Variants in FAM107B observed in about 807,000 individuals in gnomAD.
The protein encoded by FAM107B is protein FAM107B.
A neutral mutation model predicts 31.5 loss-of-function variants in FAM107B; 21 were observed. The observed-to-expected ratio is 0.67, with a 90% confidence interval of 0.47 to 0.96. The LOEUF (loss-of-function observed/expected upper bound fraction) is 0.96, where lower values mean the gene tolerates loss of function less well. Among genes scored for constraint, FAM107B ranks in the 40% least tolerant of loss-of-function variants. The pLI, the probability that FAM107B is intolerant of heterozygous loss-of-function variation, is 0.00. For missense variants in FAM107B, 452 were observed against 377.1 expected, an observed-to-expected ratio of 1.20 and a Z score of -1.64; for synonymous variants, 157 against 141.5, an observed-to-expected ratio of 1.11 and a Z score of -0.78.
At chr10:14,536,418 G>A (rs141087421) in intron 2 of FAM107B, among the ~76,000 whole-genome samples, 80 of 152,208 alleles carry the variant, frequency 5.3e-4, no homozygotes, top group African/African-American at 1.9e-3. Flanking sequence ...CAACCCTCTG[G>A]CAATACCCTG....
intron 1 of FAM107B, among the ~76,000 whole-genome samples, chr10:14,716,625 G>A (rs1855784653): frequency 6.6e-6 from 1 of 152,200 alleles, no homozygotes; most frequent in South Asian, 2.1e-4. Flanking sequence ...GGCCACCATG[G>A]TGCCAAGGAG....
chr10:14,583,958 A>C (rs1851741726), intron 2 of FAM107B, among the ~76,000 whole-genome samples: 1 of 152,216 alleles, frequency 6.6e-6, no homozygotes, highest in Admixed American at 6.5e-5. Flanking sequence ...GGCAAGTCTT[A>C]GGAAAGAGGG....
intron 1 of FAM107B, among the ~76,000 whole-genome samples, chr10:14,728,466 C>T (rs1229211517): frequency 6.6e-6 from 1 of 151,914 alleles, no homozygotes; most frequent in Non-Finnish European, 1.5e-5. Context: ...GAAGAACTAC[C>T]CCCAGGGTGT....
At chr10:14,770,713 C>A (rs974035749) in intron 1 of FAM107B, among the ~76,000 whole-genome samples, 2 of 152,058 alleles carry the variant, frequency 1.3e-5, no homozygotes, top group African/African-American at 2.4e-5. Context: ...GGTTTCAGGT[C>A]TGGAACAGAA....
chr10:14,561,949 T>C (rs963266964), intron 2 of FAM107B, among the ~76,000 whole-genome samples: 5 of 152,280 alleles, frequency 3.3e-5, no homozygotes, highest in African/African-American at 9.6e-5. Flanking sequence ...CACGCCCAGC[T>C]AATTTTTGGT....
intron 2 of FAM107B, among the ~76,000 whole-genome samples, chr10:14,578,686 G>A (rs1397822218): frequency 1.3e-5 from 2 of 152,162 alleles, no homozygotes; most frequent in Non-Finnish European, 2.9e-5. Context: ...TCGGTCACAA[G>A]AAAGAATTAT....
intron 2 of FAM107B, chr10:14,556,248 T>C (rs960330778): frequency 1.1e-5 from 7 of 631,414 alleles, no homozygotes; most frequent in African/African-American, 2.0e-5. Context: ...TCGTCCTTCC[T>C]GTCATCAGAA....
chr10:14,542,115 C>CA (rs200690902), intron 2 of FAM107B, among the ~76,000 whole-genome samples: 1,613 of 151,756 alleles, frequency 0.011, 29 homozygotes, highest in African/African-American at 0.037. Flanking sequence ...AATAATAATA[C>CA]AAAAATGAGC....
At chr10:14,629,447 T>A (rs371745653) in intron 2 of FAM107B, among the ~76,000 whole-genome samples, 28 of 7,648 alleles carry the variant, frequency 3.7e-3, no homozygotes, top group African/African-American at 0.012. Flanking sequence ...ATATATATAT[T>A]ATATATATAT....
chr10:14,543,748 AAATT>A (rs1474064644), intron 2 of FAM107B, among the ~76,000 whole-genome samples: 1 of 152,022 alleles, frequency 6.6e-6, no homozygotes, highest in East Asian at 1.9e-4. Context: ...CTGAAATAAT[AAATT>A]ATTTAGCTTC....
intron 3 of FAM107B, among the ~76,000 whole-genome samples, chr10:14,522,853 C>T (rs886929695): frequency 2.0e-5 from 3 of 152,212 alleles, no homozygotes; most frequent in East Asian, 1.9e-4. Flanking sequence ...GAGGTTATAC[C>T]GTTACTGAAG....
chr10:14,766,389 T>G (rs1350332226), intron 1 of FAM107B, among the ~76,000 whole-genome samples: 1 of 152,206 alleles, frequency 6.6e-6, no homozygotes, highest in Non-Finnish European at 1.5e-5. Flanking sequence ...TCTGACCTGT[T>G]GACCTGAGTT....
At chr10:14,616,340 C>A (rs1419187198) in intron 2 of FAM107B, among the ~76,000 whole-genome samples, 2 of 152,124 alleles carry the variant, frequency 1.3e-5, no homozygotes, top group East Asian at 3.8e-4. Flanking sequence ...AATGAAAAGA[C>A]AAGGGGCATT....
intron 2 of FAM107B, among the ~76,000 whole-genome samples, chr10:14,540,208 G>A (rs143619383): frequency 2.6e-5 from 4 of 152,236 alleles, no homozygotes; most frequent in African/African-American, 9.6e-5. Flanking sequence ...GAAGGACCTT[G>A]GCTAATGTTC....
chr10:14,579,603 C>T (rs1441207593), intron 2 of FAM107B, among the ~76,000 whole-genome samples: 1 of 152,194 alleles, frequency 6.6e-6, no homozygotes, highest in African/African-American at 2.4e-5. Context: ...CTGTTAGTTG[C>T]ATTACCCAAG....
At chr10:14,678,305 T>G (rs1184983956) in intron 1 of FAM107B, among the ~76,000 whole-genome samples, 1 of 152,216 alleles carries the variant, frequency 6.6e-6, no homozygotes, top group Non-Finnish European at 1.5e-5. Flanking sequence ...CCTTCCTTTC[T>G]TCCTCGGTGG....
At chr10:14,668,043 T>C (rs930866536) in intron 1 of FAM107B, among the ~76,000 whole-genome samples, 3 of 151,394 alleles carry the variant, frequency 2.0e-5, no homozygotes, top group Non-Finnish European at 4.4e-5. Flanking sequence ...TTTTTGTTTT[T>C]TGTTTTTTGG....
At chr10:14,538,622 G>T (rs147320006) in intron 2 of FAM107B, among the ~76,000 whole-genome samples, 93 of 152,292 alleles carry the variant, frequency 6.1e-4, no homozygotes, top group African/African-American at 2.1e-3. Flanking sequence ...GGATAATACA[G>T]ATTCTGGTGA....
intron 2 of FAM107B, among the ~76,000 whole-genome samples, chr10:14,568,143 G>A (rs879732808): frequency 2.6e-5 from 4 of 152,232 alleles, no homozygotes; most frequent in Non-Finnish European, 4.4e-5. Flanking sequence ...ATACGACTGA[G>A]ACAAGGCTCA....
Sources: allele counts gnomAD v4.1 joint callset (sites outside exome capture counted in the v4.1 genomes callset), GRCh38; gene constraint gnomAD v4.1.1; transcripts MANE v1.5; gene names NCBI Gene and HGNC (gene_info 2026-07-23, HGNC 2026-07-21).